Variants in LONRF2 observed in about 807,000 individuals in gnomAD.
The protein encoded by LONRF2 is LON peptidase N-terminal domain and RING finger protein 2.
A neutral mutation model predicts 66.6 loss-of-function variants in LONRF2; 35 were observed. The observed-to-expected ratio is 0.53, with a 90% confidence interval of 0.40 to 0.70. The LOEUF is 0.70. Ranked by LOEUF, LONRF2 falls within the 30% of genes least tolerant of loss-of-function variation. The probability of loss-of-function intolerance (pLI) is 0.00; values close to 1 mark genes in which losing one functional copy is unlikely to be tolerated. For missense variants in LONRF2, 902 were observed against 1,002.1 expected (o/e 0.90, Z 1.35); for synonymous variants, 417 against 418.1 (o/e 1.00, Z 0.03).
chr2:100,300,027 G>C, intron 4 of LONRF2, 109 bp from the exon 5 acceptor site: 1 of 473,240 alleles, frequency 2.1e-6, no homozygotes, highest in Non-Finnish European at 3.7e-6. Context: ...AAAGGGGGGG[G>C]CATACACTCT....
At chr2:100,284,566 C>G in intron 11 of LONRF2, 74 bp from the exon 12 acceptor site, 1 of 1,258,112 alleles carries the variant, frequency 7.9e-7, no homozygotes, top group Non-Finnish European at 1.1e-6. Context: ...GTCTTTTGCT[C>G]CACCAACAGA....
At chr2:100,313,398 G>A (rs530964718) in intron 1 of LONRF2, among the ~76,000 whole-genome samples, 1 of 152,274 alleles carries the variant, frequency 6.6e-6, no homozygotes, top group East Asian at 1.9e-4. Flanking sequence ...GGGAGGCTGA[G>A]GCATGAGAAT....
chr2:100,305,532 A>T (rs909286203), intron 2 of LONRF2, among the ~76,000 whole-genome samples: 3 of 152,170 alleles, frequency 2.0e-5, no homozygotes, highest in African/African-American at 7.2e-5. Flanking sequence ...AAATACCATG[A>T]CTGTGCTGAT....
rs1244267281 is a variant in LONRF2, at chr2:100,282,279, A to T, written c.*2019T>A. 6.6e-6 allele frequency: 1 copy of T among 152,212 alleles called. No homozygotes were observed. Among genetic ancestry groups the T allele is most frequent in the Non-Finnish European group, 1.5e-5 (1 of 68,042 alleles). The allele number at this position is 152,212 out of a possible 1,614,324, so 9.4% of individuals were successfully genotyped here. A position where few individuals can be genotyped will look rare whatever the true frequency, so the allele number is the denominator to read the frequency against. On this transcript the variant is annotated 3_prime_UTR_variant, in exon 12 of 12. Coordinates refer to ENST00000393437, the MANE Select transcript of LONRF2 (RefSeq NM_198461.4). ...TTTAAAGAGTGAGGAAGAGAAAGCA[A>T]CAGGTTCCAAGTATTATAGCAAGCA...
chr2:100,286,846 C>T (rs1199790595), intron 11 of LONRF2, 68 bp downstream of exon 11: 1 of 1,535,036 alleles, frequency 6.5e-7, no homozygotes, highest in East Asian at 2.3e-5. Context: ...AAGCTCTCCA[C>T]CAGAATGATG....
Position 100,278,955 on chromosome 2 carries a change from G to C in LONRF2, c.*5343C>G, listed in dbSNP as rs1487538236. The C allele has an allele frequency of 6.6e-6, 1 of 152,048 alleles. No homozygotes were observed. Among genetic ancestry groups the C allele is most frequent in the Admixed American group, 6.5e-5 (1 of 15,274 alleles). 9.4% of individuals were successfully genotyped at this position (152,048 alleles called of 1,614,324 possible). On this transcript the variant is annotated 3_prime_UTR_variant, in exon 12 of 12. Transcript: ENST00000393437. Reference sequence around the variant, plus strand: ...ACTCCCATGTCTAAATGGAAACTCTGGTAGAAGGGACTACTCTCTGTACCA... The same window carrying C: ...ACTCCCATGTCTAAATGGAAACTCTCGTAGAAGGGACTACTCTCTGTACCA...
In LONRF2 at chr2:100,272,151, T is replaced by C. The variant is rs1180052621; in HGVS notation, c.*12147A>G. 6.6e-6 allele frequency among the ~76,000 whole-genome samples: 1 copy of C among 152,206 alleles called. No individual in the cohort carries two copies. The highest frequency in any genetic ancestry group is 1.5e-5 in the Non-Finnish European group (1 of 68,026). On this transcript the variant is annotated 3_prime_UTR_variant, in exon 12 of 12. Coordinates refer to ENST00000393437, the MANE Select transcript of LONRF2 (RefSeq NM_198461.4). ...CCATGTTAGAGGAAGAACTTAAATA[T>C]CATTCTCTCTTTAGTAACCAACACA...
intron 8 of LONRF2, 81 bp downstream of exon 8, chr2:100,295,351 A>T: frequency 7.1e-7 from 1 of 1,418,038 alleles, no homozygotes. Context: ...CTCTGCCATG[A>T]AAAGAAAATC....
rs1674697806 is a variant in LONRF2, at chr2:100,280,684, G to C, written c.*3614C>G. The C allele has an allele frequency of 6.6e-6, 1 of 152,212 alleles. No individual in the cohort carries two copies. Among genetic ancestry groups the C allele is most frequent in the Non-Finnish European group, 1.5e-5 (1 of 68,092 alleles). 9.4% of individuals were successfully genotyped at this position (152,212 alleles called of 1,614,324 possible). A position where few individuals can be genotyped will look rare whatever the true frequency, so the allele number is the denominator to read the frequency against. On this transcript the variant is annotated 3_prime_UTR_variant, in exon 12 of 12. Transcript: ENST00000393437. ...TAATCCCAGCTACTCAGGGGGCCAA[G>C]GCAAGAGAATCACTTGAACCCAGGA...
At chr2:100,295,788 G>T (rs767967451) in intron 7 of LONRF2, among the ~76,000 whole-genome samples, 6 of 152,168 alleles carry the variant, frequency 3.9e-5, no homozygotes, top group African/African-American at 9.7e-5. Flanking sequence ...ACTCAATCTT[G>T]ACAGCATCTA....
Position 100,280,715 on chromosome 2 carries a change from A to AG in LONRF2, c.*3582dup, listed in dbSNP as rs1430593106. The AG allele has an allele frequency of 2.0e-5, 3 of 152,102 alleles. No individual in the cohort carries two copies. Among genetic ancestry groups the AG allele is most frequent in the African/African-American group, 7.2e-5 (3 of 41,380 alleles). 9.4% of individuals were successfully genotyped at this position (152,102 alleles called of 1,614,324 possible). On this transcript the variant is annotated 3_prime_UTR_variant, in exon 12 of 12. Transcript: ENST00000393437. ...AGAATCACTTGAACCCAGGAGGCGG[A>AG]GGTTGTGGTGAGACGAGATTGCGCC...
intron 1 of LONRF2, among the ~76,000 whole-genome samples, chr2:100,313,454 C>A (rs2104210173): frequency 6.6e-6 from 1 of 152,264 alleles, no homozygotes; most frequent in South Asian, 2.1e-4. Flanking sequence ...AAGACTGTCC[C>A]ACTGCACTCT....
chr2:100,311,764 G>T (rs1675412963), intron 1 of LONRF2, among the ~76,000 whole-genome samples: 1 of 152,164 alleles, frequency 6.6e-6, no homozygotes, highest in Admixed American at 6.5e-5. Flanking sequence ...TAACAAGTAG[G>T]TGTTGAATTT....
Position 100,288,253 on chromosome 2 carries a change from T to C in LONRF2, c.1921-1190A>G, listed in dbSNP as rs922337376. On this transcript the variant is annotated intron_variant, in intron 10 of 11. Coordinates refer to ENST00000393437, the MANE Select transcript of LONRF2 (RefSeq NM_198461.4). ...AGCTGGGCTCCCTGCTCTGCTCCCA[T>C]GCACTGGGATGACCAGAAACAGCAG... is the stretch of plus-strand genomic sequence containing the variant. Among the ~76,000 whole-genome samples, 3 of 152,106 alleles carry C rather than the reference T, an allele frequency of 2.0e-5. No homozygotes were observed. The South Asian group carries it at 6.2e-4, about 32-fold the overall frequency.
intron 3 of LONRF2, among the ~76,000 whole-genome samples, chr2:100,301,340 A>G (rs929629890): frequency 6.6e-6 from 1 of 152,242 alleles, no homozygotes; most frequent in South Asian, 2.1e-4. Context: ...CTGACACCCA[A>G]TGCTAGCAGA....
At chr2:100,308,471 A>T (rs1468113427) in intron 2 of LONRF2, among the ~76,000 whole-genome samples, 3 of 152,238 alleles carry the variant, frequency 2.0e-5, no homozygotes, top group Non-Finnish European at 4.4e-5. Context: ...AACTGACTAA[A>T]AGAGCATGCT....
At chr2:100,306,690 C>A (rs934399256) in intron 2 of LONRF2, among the ~76,000 whole-genome samples, 3 of 152,032 alleles carry the variant, frequency 2.0e-5, no homozygotes, top group Non-Finnish European at 4.4e-5. Context: ...CTGTAACCCA[C>A]CTCCCCCCAG....
Position 100,299,795 on chromosome 2 carries a change from C to T in LONRF2, c.1189G>A (p.Ala397Thr), listed in dbSNP as rs114656965. ...TCCGGAAACTGTCTCTTTAAGCCAGCGCTGGGTGCTGTTGGAAGGATGCTT... is the reference window on the plus strand; with the variant it reads ...TCCGGAAACTGTCTCTTTAAGCCAGTGCTGGGTGCTGTTGGAAGGATGCTT... ...LESILPTAPS[A>T]GLKRQFPDDV... The change falls in exon 5 of 12, where the codon GCT (alanine) becomes ACT (threonine). Residue 397 changes from alanine (A) to threonine (T), a missense_variant. Physicochemically the swap from Ala to Thr is moderately conservative, Grantham distance 58. Around this residue, in one of 2 missense-constraint regions of LONRF2, gnomAD observed 585 missense variants for 569.9 expected, o/e 1.03. Coordinates refer to ENST00000393437, the MANE Select transcript of LONRF2 (RefSeq NM_198461.4). 1.7e-5 allele frequency: 27 copies of T among 1,613,976 alleles called. No homozygotes were observed. Among genetic ancestry groups the T allele is most frequent in the Admixed American group, 1.0e-4 (6 of 59,994 alleles).
At position 100,302,397 on chromosome 2, in the gene LONRF2, C is replaced by T. The variant is rs577773123; in HGVS notation, c.921+524G>A. Among the ~76,000 whole-genome samples, 430 of 152,162 alleles carry T rather than the reference C, an allele frequency of 2.8e-3. 2 individuals carry two copies. The highest frequency in any genetic ancestry group is 9.7e-3 in the African/African-American group (401 of 41,498). Reference sequence around the variant, plus strand: ...AATAAACAGTGTTAAAACAGGGAAGCGCAAACATAAAAACATAAAAACGCT... The same window carrying T: ...AATAAACAGTGTTAAAACAGGGAAGTGCAAACATAAAAACATAAAAACGCT... On this transcript the variant is annotated intron_variant, in intron 3 of 11. Transcript: ENST00000393437.
Sources: gnomAD v4.1 joint callset for allele counts (sites outside exome capture counted in the v4.1 genomes callset) on GRCh38, gnomAD v4.1.1 for gene constraint, gnomAD v4.1.1 regional missense constraint, MANE v1.5 for transcripts, NCBI Gene and HGNC (gene_info 2026-07-23, HGNC 2026-07-21) for gene names.